LEF1: variants seen among roughly 807,000 people sequenced by gnomAD.
LEF1 encodes lymphoid enhancer binding factor 1, also known as lymphoid enhancer-binding factor 1.
A neutral mutation model predicts 51.2 loss-of-function variants in LEF1; 14 were observed. The ratio of observed to expected loss-of-function variants is 0.27; its 90% CI spans 0.18 to 0.43. The LOEUF is 0.43. Ranked by LOEUF, LEF1 falls within the 20% of genes least tolerant of loss-of-function variation. LEF1 has a pLI of 1.00. For synonymous variants in LEF1, 185 were observed against 183.2 expected (o/e 1.01, Z -0.08); for missense variants, 386 against 512.0 (o/e 0.75, Z 2.37).
At chr4:108,080,653 G>T (rs1457864874) in intron 6 of LEF1, among the ~76,000 whole-genome samples, 13 of 152,062 alleles carry the variant, frequency 8.5e-5, no homozygotes, top group Admixed American at 8.5e-4. Context: ...TTCTTACAAT[G>T]TTAAAAAGTA....
intron 3 of LEF1, among the ~76,000 whole-genome samples, chr4:108,146,561 C>T (rs148498258): frequency 3.2e-4 from 48 of 152,280 alleles, no homozygotes; most frequent in Middle Eastern, 3.4e-3. Context: ...AAAGCACTGA[C>T]GTAAATTCTG....
chr4:108,141,144 C>T (rs1235115309), intron 3 of LEF1, among the ~76,000 whole-genome samples: 2 of 152,164 alleles, frequency 1.3e-5, no homozygotes. Flanking sequence ...ATTCACTTTC[C>T]TTCTCTCTTT....
intron 9 of LEF1, among the ~76,000 whole-genome samples, chr4:108,068,975 G>T (rs1437516897): frequency 1.3e-5 from 2 of 152,174 alleles, no homozygotes; most frequent in African/African-American, 4.8e-5. Context: ...TGAATGTTGT[G>T]TTCTCCCAAA....
intron 3 of LEF1, among the ~76,000 whole-genome samples, chr4:108,106,988 T>C (rs929806432): frequency 1.3e-5 from 2 of 152,138 alleles, no homozygotes; most frequent in African/African-American, 2.4e-5. Flanking sequence ...GATACAAGCA[T>C]TGTCACCCAG....
intron 1 of LEF1, chr4:108,166,801 G>A: frequency 1.0e-6 from 1 of 985,988 alleles, no homozygotes; most frequent in Non-Finnish European, 1.2e-6. Context: ...AATAAAAGTT[G>A]TGGGTTTGTT....
Position 108,113,306 on chromosome 4 carries a change from G to A in LEF1, c.415-24049C>T, listed in dbSNP as rs1020213179. Among the ~76,000 whole-genome samples, 7 of 152,320 alleles carry A rather than the reference G, an allele frequency of 4.6e-5. No individual in the cohort carries two copies. The East Asian group carries it at 7.7e-4, about 17-fold the overall frequency. On this transcript the variant is annotated intron_variant, in intron 3 of 11. Coordinates refer to ENST00000265165, the MANE Select transcript of LEF1 (RefSeq NM_016269.5). ...TCCAGAGCACTAGTTGCTGCCAGGG[G>A]CATGTGTCAGGGAGGAGAGCCAGCT...
At chr4:108,137,131 T>C (rs1392950229) in intron 3 of LEF1, among the ~76,000 whole-genome samples, 2 of 152,238 alleles carry the variant, frequency 1.3e-5, no homozygotes, top group African/African-American at 2.4e-5. Flanking sequence ...CTACGAAGAA[T>C]AGTTTTTTAA....
Position 108,068,933 on chromosome 4 carries a change from G to A in LEF1, c.1116+1730C>T, listed in dbSNP as rs140193221. Reference sequence around the variant, plus strand: ...GACCTGGCTGGCATTTCTAATGCTTGTCTCACGTAGACCCTGAGAATTACT... The same window carrying A: ...GACCTGGCTGGCATTTCTAATGCTTATCTCACGTAGACCCTGAGAATTACT... On this transcript the variant is annotated intron_variant, in intron 9 of 11. Coordinates refer to ENST00000265165, the MANE Select transcript of LEF1 (RefSeq NM_016269.5). Among the ~76,000 whole-genome samples the A allele has an allele frequency of 1.1e-3, 173 of 152,248 alleles. 1 individual carries two copies. The East Asian group carries it at 0.023, about 20-fold the overall frequency.
intron 3 of LEF1, among the ~76,000 whole-genome samples, chr4:108,115,148 T>C (rs1030775167): frequency 1.3e-5 from 2 of 152,206 alleles, no homozygotes; most frequent in Non-Finnish European, 2.9e-5. Flanking sequence ...TACTATCTGT[T>C]AGGGACAAAA....
In LEF1 at chr4:108,146,690, T is replaced by C. The variant is rs142778644; in HGVS notation, c.414+16878A>G. Among the ~76,000 whole-genome samples, 764 of 152,362 alleles carry C rather than the reference T, an allele frequency of 5.0e-3. 3 individuals are homozygous for C. Among genetic ancestry groups the C allele is most frequent in the African/African-American group, 0.017 (699 of 41,590 alleles). On this transcript the variant is annotated intron_variant, in intron 3 of 11. Transcript: ENST00000265165. Reference sequence around the variant, plus strand: ...ATACCTATTGGTTCAGTATGTCTGATGGGAAAATCAATATCCTAAAAACTC... The same window carrying C: ...ATACCTATTGGTTCAGTATGTCTGACGGGAAAATCAATATCCTAAAAACTC...
At chr4:108,070,604 G>T in intron 9 of LEF1, 59 bp downstream of exon 9, 2 of 1,141,558 alleles carry the variant, frequency 1.8e-6, no homozygotes, top group South Asian at 2.6e-5. Flanking sequence ...TTTCCTTCTT[G>T]AACGCAAAAG....
chr4:108,135,857 T>A (rs1743231501), intron 3 of LEF1, among the ~76,000 whole-genome samples: 1 of 152,184 alleles, frequency 6.6e-6, no homozygotes, highest in Non-Finnish European at 1.5e-5. Context: ...ACGCACCCCA[T>A]GGGCTGGCTC....
chr4:108,142,306 C>T (rs1402064754), intron 3 of LEF1, among the ~76,000 whole-genome samples: 2 of 152,096 alleles, frequency 1.3e-5, no homozygotes, highest in Non-Finnish European at 2.9e-5. Context: ...ATGCATGATT[C>T]CATTAACAGA....
intron 3 of LEF1, among the ~76,000 whole-genome samples, chr4:108,103,962 T>A (rs555043648): frequency 6.6e-6 from 1 of 152,298 alleles, no homozygotes; most frequent in East Asian, 1.9e-4. Flanking sequence ...TGAATACACA[T>A]ATACAAATGT....
In LEF1 at chr4:108,167,526, T is replaced by G; in HGVS notation, c.213+29A>C. On this transcript the variant is annotated intron_variant, in intron 1 of 11. Coordinates refer to ENST00000265165, the MANE Select transcript of LEF1 (RefSeq NM_016269.5). This position sits in a 1 kb window ranked among gnomAD's most constrained non-coding sequence, Gnocchi z 5.7. ...GAGTTTCCCAGGGACCCGCCACGCCTCTCGGAACTGGGGCAGCGGCCCGCT... is the reference window on the plus strand; with the variant it reads ...GAGTTTCCCAGGGACCCGCCACGCCGCTCGGAACTGGGGCAGCGGCCCGCT... 6.2e-7 allele frequency: 1 copy of G among 1,610,668 alleles called. No homozygotes were observed. Among genetic ancestry groups the G allele is most frequent in the Non-Finnish European group, 8.5e-7 (1 of 1,177,712 alleles).
At chr4:108,126,641 A>G (rs1742551340) in intron 3 of LEF1, among the ~76,000 whole-genome samples, 2 of 151,632 alleles carry the variant, frequency 1.3e-5, no homozygotes, top group Non-Finnish European at 1.5e-5. Flanking sequence ...CGTCTCTACT[A>G]AAAAATACAA....
chr4:108,156,710 A>AT (rs1744723252), intron 3 of LEF1, among the ~76,000 whole-genome samples: 1 of 152,158 alleles, frequency 6.6e-6, no homozygotes, highest in Non-Finnish European at 1.5e-5. Context: ...ATTTTTTATA[A>AT]TTTTTATTGT....
At chr4:108,070,583 C>A in intron 9 of LEF1, 80 bp downstream of exon 9, 1 of 937,014 alleles carries the variant, frequency 1.1e-6, no homozygotes, top group Admixed American at 1.8e-5. Flanking sequence ...ATTATATACA[C>A]CTAAAACACA....
Position 108,167,812 on chromosome 4 carries a change from C to T in LEF1, c.-45G>A. ...CCGCTCCGCTGTGGGAGCACCCGCG[C>T]AACAGCAGGAAAGACAGAGGGGTAA... On this transcript the variant is annotated 5_prime_UTR_variant, in exon 1 of 12. Transcript: ENST00000265165. The surrounding 1 kb of genome is among the most constrained non-coding windows in gnomAD (Gnocchi z 5.7). 1.3e-6 allele frequency: 2 copies of T among 1,556,840 alleles called. No individual in the cohort carries two copies. The highest frequency in any genetic ancestry group is 2.1e-4 in the Middle Eastern group (1 of 4,696).
Sources: gnomAD v4.1 joint callset for allele counts (sites outside exome capture counted in the v4.1 genomes callset) on GRCh38, gnomAD v4.1.1 for gene constraint, Gnocchi (gnomAD v3.1) non-coding constraint, MANE v1.5 for transcripts, NCBI Gene and HGNC (gene_info 2026-07-23, HGNC 2026-07-21) for gene names.